PCGF6: variants seen among roughly 807,000 people sequenced by gnomAD.
PCGF6 encodes the protein polycomb group ring finger 6, also known as polycomb group RING finger protein 6.
PCGF6 carries 24 observed loss-of-function variants against 45.5 expected under a neutral mutation model. That is an observed-to-expected ratio of 0.53 (90% CI 0.38 to 0.74). The LOEUF (loss-of-function observed/expected upper bound fraction) is 0.74. Ranked by LOEUF, PCGF6 falls within the 30% of genes least tolerant of loss-of-function variation. PCGF6 has a pLI of 0.00. For synonymous variants in PCGF6, 152 were observed against 162.1 expected (o/e 0.94, Z 0.47); for missense variants, 356 against 443.2 (o/e 0.80, Z 1.77).
chr10:103,347,472 G>A (rs1249381582), intron 3 of PCGF6, 22 bp from the exon 4 acceptor site: 4 of 1,567,134 alleles, frequency 2.6e-6, no homozygotes, highest in African/African-American at 2.7e-5. Flanking sequence ...AAAGGATGGA[G>A]AATACCTCAG....
chr10:103,343,929 G>A (rs1057130438), intron 6 of PCGF6, among the ~76,000 whole-genome samples: 2 of 149,310 alleles, frequency 1.3e-5, no homozygotes, highest in African/African-American at 4.9e-5. Context: ...ATCTACACTC[G>A]TGGAGAACTA....
In PCGF6 at chr10:103,344,941, T is replaced by C. The variant is rs2093293981; in HGVS notation, c.782+83A>G. 6 of 933,598 alleles carry C rather than the reference T, an allele frequency of 6.4e-6. No individual in the cohort carries two copies. In the South Asian group the frequency reaches 1.0e-4, roughly 16 times the overall value. The allele number at this position is 933,598 out of a possible 1,614,324, so 57.8% of individuals were successfully genotyped here. On this transcript the variant is annotated intron_variant, in intron 6 of 9. Coordinates refer to ENST00000369847, the MANE Select transcript of PCGF6 (RefSeq NM_001011663.2). The stretch of plus-strand genomic sequence containing the variant: ...TTTTCCAAGGGGATGTCAGAAAACT[T>C]GATTTTACCTGAGTTCACAATGATT...
chr10:103,330,139 A>G (rs975825883), intron 7 of PCGF6, among the ~76,000 whole-genome samples: 17 of 151,324 alleles, frequency 1.1e-4, no homozygotes, highest in African/African-American at 4.1e-4. Flanking sequence ...CAGTGGCGCA[A>G]TCTCGGCTCA....
intron 7 of PCGF6, among the ~76,000 whole-genome samples, chr10:103,330,795 G>A (rs1171956924): frequency 6.6e-6 from 1 of 152,182 alleles, no homozygotes; most frequent in Non-Finnish European, 1.5e-5. Flanking sequence ...TGGGCGTGGT[G>A]GGGCGCACCT....
At chr10:103,311,752 A>G (rs541617723) in intron 9 of PCGF6, among the ~76,000 whole-genome samples, 9 of 152,162 alleles carry the variant, frequency 5.9e-5, no homozygotes, top group African/African-American at 2.2e-4. Flanking sequence ...GCATCACACC[A>G]CACAGCCCTA....
chr10:103,345,508 CT>C (rs113103280), intron 5 of PCGF6, among the ~76,000 whole-genome samples: 66,767 of 147,912 alleles, frequency 0.45, 14,915 homozygotes, highest in South Asian at 0.64. Flanking sequence ...AGTGCTACTG[CT>C]TTTTTTTTTT....
At chr10:103,342,424 G>C (rs560773813) in intron 6 of PCGF6, among the ~76,000 whole-genome samples, 1 of 152,086 alleles carries the variant, frequency 6.6e-6, no homozygotes, top group African/African-American at 2.4e-5. Flanking sequence ...AGTAGAGACA[G>C]GGTTTCATCA....
chr10:103,309,018 A>G (rs1057044169), intron 9 of PCGF6, among the ~76,000 whole-genome samples: 1 of 152,080 alleles, frequency 6.6e-6, no homozygotes, highest in Non-Finnish European at 1.5e-5. Flanking sequence ...TTATACCCCC[A>G]TTGTATCTTG....
At chr10:103,321,117 T>C (rs1375433520) in intron 8 of PCGF6, among the ~76,000 whole-genome samples, 3 of 152,180 alleles carry the variant, frequency 2.0e-5, no homozygotes, top group African/African-American at 7.2e-5. Context: ...AGCTGAGTGG[T>C]AGAATATTTA....
Position 103,348,974 on chromosome 10 carries a change from G to T in PCGF6, c.386C>A (p.Thr129Asn). The T allele has an allele frequency of 6.2e-7, 1 of 1,613,722 alleles. No homozygotes were observed. The highest frequency in any genetic ancestry group is 8.5e-7 in the Non-Finnish European group (1 of 1,179,702). Residue 129 changes from threonine to asparagine, a missense_variant, in exon 2 of 10, where the codon ACC (threonine) becomes AAC (asparagine). By Grantham distance (65) the Thr-to-Asn change is moderately conservative. Coordinates refer to ENST00000369847, the MANE Select transcript of PCGF6 (RefSeq NM_001011663.2). The stretch of plus-strand genomic sequence containing the variant: ...GCAAATGGAACACAAGATGTATGGG[G>T]TCAGCTCAGAGAGATTAATCAGGCG... ...EERLINLSEL[T>N]PYILCSICKG...
chr10:103,309,848 G>A (rs536860409), intron 9 of PCGF6, among the ~76,000 whole-genome samples: 5 of 152,224 alleles, frequency 3.3e-5, no homozygotes. Flanking sequence ...GCTGAGGTGG[G>A]AAGAGATCAA....
chr10:103,312,751 C>T (rs1367475578), intron 9 of PCGF6, among the ~76,000 whole-genome samples: 1 of 152,080 alleles, frequency 6.6e-6, no homozygotes, highest in Non-Finnish European at 1.5e-5. Flanking sequence ...CACCTGAGGT[C>T]GGGAGTTAGA....
chr10:103,347,253 C>T lies in PCGF6; in HGVS notation c.658G>A (p.Glu220Lys). Residue 220 changes from glutamate (E) to lysine (K), a missense_variant, in exon 5 of 10, where the codon GAA becomes AAA. Physicochemically the swap from Glu to Lys is moderately conservative, Grantham distance 56. Transcript: ENST00000369847. Reference protein sequence around the residue: ...MHDFYKERGLEVPKPAVPQPV... With the variant: ...MHDFYKERGLKVPKPAVPQPV... ...CCAAACTTACCAGGTTTAGGTACTT[C>T]TAGACCTCTTTCTTTATAGAAATCA... The T allele has an allele frequency of 6.2e-7, 1 of 1,607,650 alleles. No homozygotes were observed. The highest frequency in any genetic ancestry group is 1.1e-5 in the South Asian group (1 of 90,864).
At chr10:103,333,050 C>T (rs1243400913) in intron 7 of PCGF6, among the ~76,000 whole-genome samples, 4 of 148,308 alleles carry the variant, frequency 2.7e-5, no homozygotes, top group Non-Finnish European at 3.0e-5. Flanking sequence ...ACCCAGACGG[C>T]GGAAGTTGCA....
At chr10:103,317,093 C>G (rs1220102782) in intron 8 of PCGF6, among the ~76,000 whole-genome samples, 2 of 152,184 alleles carry the variant, frequency 1.3e-5, no homozygotes, top group Non-Finnish European at 2.9e-5. Flanking sequence ...ACACTGCAAC[C>G]CTTGCCTCTC....
rs202037510 is a variant in PCGF6, at chr10:103,325,142, TAAATAAAATAAAATA to T, written c.909+1377_909+1391del. Among the ~76,000 whole-genome samples, 290 of 145,090 alleles carry T rather than the reference TAAATAAAATAAAATA, an allele frequency of 2.0e-3. 1 individual carries two copies. In the Middle Eastern group the frequency reaches 0.024, roughly 12 times the overall value. On this transcript the variant is annotated intron_variant, in intron 8 of 9. Transcript: ENST00000369847. ...AGAGTGGGACTCAGTCTCAAAATAATAAATAAAATAAAATAAAATAAAATAAAATAAAATAAAATA... is the reference window on the plus strand; with the variant it reads ...AGAGTGGGACTCAGTCTCAAAATAATAAATAAAATAAAATAAAATAAAATA...
chr10:103,332,121 T>C (rs1457406552), intron 7 of PCGF6, among the ~76,000 whole-genome samples: 1 of 152,016 alleles, frequency 6.6e-6, no homozygotes. Context: ...CTGTATTTCT[T>C]GTAAATTAGT....
At chr10:103,350,613 C>A in intron 1 of PCGF6, 94 bp downstream of exon 1, 1 of 1,236,582 alleles carries the variant, frequency 8.1e-7, no homozygotes, top group Non-Finnish European at 1.1e-6. Context: ...GCGGCGGCGG[C>A]GCACTAGGAT....
rs2093167341 is a variant in PCGF6 at position 103,314,342 on chromosome 10, A to G, written c.910-70T>C. On this transcript the variant is annotated intron_variant, in intron 8 of 9. Coordinates refer to ENST00000369847, the MANE Select transcript of PCGF6 (RefSeq NM_001011663.2). ...TACCATCTGAAGAAATGAGGAAAACAAATCAACATAAATTGTTTCCAAACT... is the reference window on the plus strand; with the variant it reads ...TACCATCTGAAGAAATGAGGAAAACGAATCAACATAAATTGTTTCCAAACT... 8.9e-6 allele frequency: 8 copies of G among 896,360 alleles called. No homozygotes were observed. The Middle Eastern group carries it at 6.8e-4, about 77-fold the overall frequency. The allele number at this position is 896,360 out of a possible 1,614,324, so 55.5% of individuals were successfully genotyped here.
Sources: allele counts gnomAD v4.1 joint callset (sites outside exome capture counted in the v4.1 genomes callset), GRCh38; gene constraint gnomAD v4.1.1; transcripts MANE v1.5; gene names NCBI Gene and HGNC (gene_info 2026-07-23, HGNC 2026-07-21).